The following USP1 variants were observed in gnomAD, a reference collection of about 807,000 sequenced individuals.
USP1 encodes ubiquitin specific peptidase 1.
A neutral mutation model predicts 72.2 loss-of-function variants in USP1; 18 were observed. The observed-to-expected ratio is 0.25, with a 90% CI of 0.17 to 0.37. USP1 has a LOEUF of 0.37. USP1 is among the 10% of genes least tolerant of loss of function. USP1 has a pLI of 1.00. For synonymous variants in USP1, 354 were observed against 303.7 expected (o/e 1.17, Z -1.72); for missense variants, 759 against 884.9 (o/e 0.86, Z 1.81).
chr1:62,449,469 C>T (rs1323139146), intron 8 of USP1, among the ~76,000 whole-genome samples: 1 of 152,084 alleles, frequency 6.6e-6, no homozygotes, highest in African/African-American at 2.4e-5. Context: ...TTTGAAATTA[C>T]CACGAGGGCT....
intron 6 of USP1, among the ~76,000 whole-genome samples, chr1:62,446,208 A>C (rs1308447334): frequency 1.3e-5 from 2 of 152,318 alleles, no homozygotes; most frequent in East Asian, 3.9e-4. Flanking sequence ...TTACACAACT[A>C]GATGCTAGAG....
intron 4 of USP1, 122 bp from the exon 5 acceptor site, chr1:62,443,037 C>G: frequency 9.4e-7 from 1 of 1,061,300 alleles, no homozygotes; most frequent in Non-Finnish European, 1.3e-6. Context: ...TTGTACATCC[C>G]TTAAAATTAG....
At chr1:62,439,731 C>A in intron 1 of USP1, 68 bp from the exon 2 acceptor site, 2 of 748,878 alleles carry the variant, frequency 2.7e-6, no homozygotes, top group Non-Finnish European at 1.9e-6. Flanking sequence ...AATTTGTTTT[C>A]AAAATTGATG....
At chr1:62,439,282 T>G (rs1425299499) in intron 1 of USP1, among the ~76,000 whole-genome samples, 1 of 152,214 alleles carries the variant, frequency 6.6e-6, no homozygotes, top group Non-Finnish European at 1.5e-5. Context: ...CCTCCCGGAT[T>G]CAAGGGATTC....
Position 62,450,749 on chromosome 1 carries a change from C to T in USP1, c.2126C>T (p.Thr709Ile), listed in dbSNP as rs1645210106. ...RNSETSDTTG[T>I]HESDRNKESS... ...TCTGAGACTAGTGATACTACTGGGACCCATGAATCTGATAGAAACAAGGAA... is the reference window on the plus strand; with the variant it reads ...TCTGAGACTAGTGATACTACTGGGATCCATGAATCTGATAGAAACAAGGAA... The change falls in exon 9 of 9, where the codon ACC (threonine) becomes ATC (isoleucine). Residue 709 changes from threonine (T) to isoleucine (I), a missense_variant. Physicochemically the swap from Thr to Ile is moderately conservative, Grantham distance 89. Around this residue, in one of 9 missense-constraint regions of USP1, gnomAD observed 159 missense variants for 140.9 expected, o/e 1.13. Coordinates refer to ENST00000339950, the MANE Select transcript of USP1 (RefSeq NM_003368.5). 3.7e-6 allele frequency: 6 copies of T among 1,613,728 alleles called. No individual in the cohort carries two copies. The highest frequency in any genetic ancestry group is 4.2e-6 in the Non-Finnish European group (5 of 1,179,922).
At position 62,437,375 on chromosome 1, in the gene USP1, C is replaced by T. The variant is rs1645096931; in HGVS notation, c.-95C>T. 5.1e-6 allele frequency: 2 copies of T among 390,972 alleles called. No individual in the cohort carries two copies. Among genetic ancestry groups the T allele is most frequent in the African/African-American group, 2.1e-5 (1 of 48,402 alleles). The allele number at this position is 390,972 out of a possible 1,614,324, so 24.2% of individuals were successfully genotyped here. A position where few individuals can be genotyped will look rare whatever the true frequency, so the allele number is the denominator to read the frequency against. On this transcript the variant is annotated 5_prime_UTR_variant, in exon 1 of 9. Coordinates refer to ENST00000339950, the MANE Select transcript of USP1 (RefSeq NM_003368.5). ...GTTGGACTTGCCGGCGTCACCGCCG[C>T]GGACTTCGCTTTGGGCCATGACCAG...
Position 62,446,358 on chromosome 1 carries a change from C to CA in USP1, c.1249+935dup, listed in dbSNP as rs548263870. On this transcript the variant is annotated intron_variant, in intron 6 of 8. Transcript: ENST00000339950. ...GCTGATGAGCCAAAAAAAAAAAAAT[C>CA]AAAAAAGTCTCATAATGTTTTAAGA... 1.8e-4 allele frequency among the ~76,000 whole-genome samples: 27 copies of CA among 151,214 alleles called. 1 individual carries two copies. In the East Asian group the frequency reaches 5.1e-3, roughly 28 times the overall value.
chr1:62,450,897 T>C lies in USP1; in HGVS notation c.2274T>C (p.Thr758=). The C allele has an allele frequency of 1.2e-6, 2 of 1,614,010 alleles. No individual in the cohort carries two copies. The highest frequency in any genetic ancestry group is 4.5e-5 in the East Asian group (2 of 44,842). Residue 758 remains threonine (T), a synonymous_variant, in exon 9 of 9, where the codon ACT becomes ACC. Transcript: ENST00000339950. ...TTGATGATTCTGAAGTCAAAGTTACTGAAGAGAAGGACTTTCTGAATTCTC... is the reference window on the plus strand; with the variant it reads ...TTGATGATTCTGAAGTCAAAGTTACCGAAGAGAAGGACTTTCTGAATTCTC... The part of the protein sequence containing the change: ...LLFDDSEVKV[T]EEKDFLNSLS...
chr1:62,437,492 C>G (rs887740979), intron 1 of USP1, 92 bp downstream of exon 1: 3 of 267,682 alleles, frequency 1.1e-5, no homozygotes, highest in Admixed American at 1.1e-4. Context: ...ACCCCGGGAC[C>G]GTGTTGGCCT....
intron 8 of USP1, 22 bp from the exon 9 acceptor site, chr1:62,450,224 T>G (rs750262374): frequency 1.6e-5 from 26 of 1,583,410 alleles, no homozygotes; most frequent in Non-Finnish European, 2.1e-5. Context: ...GCAGGAAACC[T>G]TTTCTTTTTT....
chr1:62,444,681 C>T (rs1317839238), intron 5 of USP1, 57 bp from the exon 6 acceptor site: 1 of 1,329,476 alleles, frequency 7.5e-7, no homozygotes, highest in Non-Finnish European at 1.0e-6. Flanking sequence ...TCTATATAGG[C>T]TTTATGTACT....
At chr1:62,437,813 T>G (rs1306356193) in intron 1 of USP1, among the ~76,000 whole-genome samples, 1 of 152,234 alleles carries the variant, frequency 6.6e-6, no homozygotes. Flanking sequence ...GCATTTTCTT[T>G]CACTTACACT....
At chr1:62,442,372 TGAA>T (rs765960076) in intron 4 of USP1, 73 bp downstream of exon 4, 185 of 1,071,158 alleles carry the variant, frequency 1.7e-4, no homozygotes, top group Non-Finnish European at 2.5e-4. Flanking sequence ...TGCCTGGAAA[TGAA>T]GAGGACTGGG....
chr1:62,441,450 A>G (rs1302631007), intron 2 of USP1, 38 bp from the exon 3 acceptor site: 1 of 1,527,472 alleles, frequency 6.5e-7, no homozygotes, highest in Non-Finnish European at 8.8e-7. Flanking sequence ...TGTTTCTTTA[A>G]GATAACTACT....
chr1:62,437,945 C>T (rs1645103251), intron 1 of USP1, among the ~76,000 whole-genome samples: 1 of 152,172 alleles, frequency 6.6e-6, no homozygotes, highest in Non-Finnish European at 1.5e-5. Context: ...ACTATTGGGA[C>T]TGAGTGTTCA....
At position 62,450,301 on chromosome 1, in the gene USP1, C is replaced by G. The variant is rs145513105; in HGVS notation, c.1678C>G (p.Leu560Val). ...SKINTPLLTPLKLSLEEWSTK... is the reference protein window; with the variant it reads ...SKINTPLLTPVKLSLEEWSTK... ...GATCAACACTCCTTTATTGACACCT[C>G]TTAAATTGTCACTAGAAGAATGGAG... Residue 560 changes from leucine (L) to valine (V), a missense_variant, in exon 9 of 9, where the codon CTT becomes GTT. Around this residue, in one of 9 missense-constraint regions of USP1, gnomAD observed 140 missense variants for 222.8 expected, o/e 0.63. Coordinates refer to ENST00000339950, the MANE Select transcript of USP1 (RefSeq NM_003368.5). 453 of 1,614,026 alleles carry G rather than the reference C, an allele frequency of 2.8e-4. 1 individual carries two copies. Among genetic ancestry groups the G allele is most frequent in the Admixed American group, 1.0e-4 (6 of 60,000 alleles).
chr1:62,448,755 A>G, intron 8 of USP1, 89 bp downstream of exon 8: 1 of 1,296,966 alleles, frequency 7.7e-7, no homozygotes, highest in African/African-American at 1.5e-5. Flanking sequence ...TAGGAATATA[A>G]AGTACTGAAA....
chr1:62,443,548 T>G (rs1258642787), intron 5 of USP1, among the ~76,000 whole-genome samples: 1 of 152,214 alleles, frequency 6.6e-6, no homozygotes, highest in East Asian at 1.9e-4. Flanking sequence ...GTCATTCATA[T>G]TTATCTCTAA....
chr1:62,437,285 T>C lies in USP1; in HGVS notation c.-185T>C. The C allele has an allele frequency of 2.5e-6, 1 of 397,054 alleles. No individual in the cohort carries two copies. The allele number at this position is 397,054 out of a possible 1,614,324, so 24.6% of individuals were successfully genotyped here. A position where few individuals can be genotyped will look rare whatever the true frequency, so the allele number is the denominator to read the frequency against. ...CGGGGAGGGCGAGCCGACCAGATTT[T>C]CCTGGGGCCGGGGACCCGGCGGGCT... On this transcript the variant is annotated 5_prime_UTR_variant, in exon 1 of 9. Transcript: ENST00000339950.
Sources: allele counts gnomAD v4.1 joint callset (sites outside exome capture counted in the v4.1 genomes callset), GRCh38; gene constraint gnomAD v4.1.1; regional missense constraint gnomAD v4.1.1; transcripts MANE v1.5; gene names NCBI Gene and HGNC (gene_info 2026-07-23, HGNC 2026-07-21).